The following PEX3 variants were observed in gnomAD, a reference collection of about 807,000 sequenced individuals.
The protein encoded by PEX3 is peroxisomal biogenesis factor 3, also known as peroxin-3.
Under a neutral mutation model 55.8 loss-of-function variants are expected in PEX3, and 30 were observed. The observed-to-expected ratio is 0.54, with a 90% confidence interval of 0.40 to 0.73. PEX3 has a LOEUF of 0.73. PEX3 is among the 30% of genes least tolerant of loss of function. The pLI, the probability that PEX3 is intolerant of heterozygous loss-of-function variation, is 0.00. For synonymous variants in PEX3, 135 were observed against 148.4 expected, an observed-to-expected ratio of 0.91 and a Z score of 0.66; for missense variants, 351 against 432.8, an observed-to-expected ratio of 0.81 and a Z score of 1.68.
In PEX3 at chr6:143,459,105, T is replaced by A; in HGVS notation, c.94T>A (p.Tyr32Asn). Residue 32 changes from tyrosine (Y) to asparagine (N), a missense_variant, in exon 2 of 12, where the codon TAT becomes AAT. Tyr to Asn is a moderately radical substitution (Grantham distance 143, BLOSUM62 -2). Transcript: ENST00000367591. This position sits in a 1 kb window ranked among gnomAD's most constrained non-coding sequence, Gnocchi z 4.2. ...TGTAGGAGTATATATTCTGGGGAAA[T>A]ATGGACAGAAGAAAATCAGAGAAAT... ...VLGGVYILGK[Y>N]GQKKIREIQE... The A allele has an allele frequency of 6.3e-7, 1 of 1,596,406 alleles. No homozygotes were observed. The highest frequency in any genetic ancestry group is 8.6e-7 in the Non-Finnish European group (1 of 1,164,060).
intron 8 of PEX3, among the ~76,000 whole-genome samples, chr6:143,473,109 G>GC (rs1341339155): frequency 6.6e-6 from 1 of 152,094 alleles, no homozygotes; most frequent in Non-Finnish European, 1.5e-5. Flanking sequence ...GAACAGAGAG[G>GC]CCCCCTATGC....
At position 143,488,554 on chromosome 6, in the gene PEX3, A is replaced by G. The variant is rs1780347891; in HGVS notation, c.1039-589A>G. ...CAAAGTCATACAACCTGCTAATATTATCACAGTTTGTTGCCTACATTCATA... is the reference window on the plus strand; with the variant it reads ...CAAAGTCATACAACCTGCTAATATTGTCACAGTTTGTTGCCTACATTCATA... On this transcript the variant is annotated intron_variant, in intron 11 of 11. Transcript: ENST00000367591. The surrounding 1 kb of genome is among the most constrained non-coding windows in gnomAD (Gnocchi z 4.9). 6.6e-6 allele frequency among the ~76,000 whole-genome samples: 1 copy of G among 152,124 alleles called. No homozygotes were observed. The highest frequency in any genetic ancestry group is 1.5e-5 in the Non-Finnish European group (1 of 67,972).
Position 143,471,362 on chromosome 6 carries a change from C to T in PEX3, c.457-21C>T, listed in dbSNP as rs780823197. ...CCAGTTTAAAACTTGGATAATTGAA[C>T]TGTATTTCTGTTTTATACAGACAAT... On this transcript the variant is annotated intron_variant, in intron 5 of 11. Coordinates refer to ENST00000367591, the MANE Select transcript of PEX3 (RefSeq NM_003630.3). The surrounding 1 kb of genome is among the most constrained non-coding windows in gnomAD (Gnocchi z 5.4). The T allele has an allele frequency of 2.6e-6, 4 of 1,543,014 alleles. No individual in the cohort carries two copies. The African/African-American group carries it at 4.1e-5, about 16-fold the overall frequency.
Position 143,485,222 on chromosome 6 carries a change from A to C in PEX3, c.1012A>C (p.Ser338Arg). The C allele has an allele frequency of 3.1e-6, 5 of 1,597,338 alleles. No homozygotes were observed. Among genetic ancestry groups the C allele is most frequent in the Non-Finnish European group, 4.3e-6 (5 of 1,164,942 alleles). ...AAACGGACAGATCCATTCAGTTTGC[A>C]GTGAAACACCTAGTCATTTTGTTCA... ...IVNGQIHSVC[S>R]ETPSHFVQDL... The change falls in exon 11 of 12, where the codon AGT becomes CGT. Residue 338 changes from serine to arginine, a missense_variant. Coordinates refer to ENST00000367591, the MANE Select transcript of PEX3 (RefSeq NM_003630.3). This position sits in a 1 kb window ranked among gnomAD's most constrained non-coding sequence, Gnocchi z 5.6.
intron 2 of PEX3, among the ~76,000 whole-genome samples, chr6:143,460,549 C>T (rs535742685): frequency 6.6e-6 from 1 of 152,198 alleles, no homozygotes; most frequent in African/African-American, 2.4e-5. Flanking sequence ...TCCATTTCTG[C>T]TTATTATTTG....
chr6:143,469,009 CT>C (rs1200241044), intron 4 of PEX3, among the ~76,000 whole-genome samples: 2 of 152,078 alleles, frequency 1.3e-5, no homozygotes, highest in African/African-American at 2.4e-5. Flanking sequence ...TGAACTCGTC[CT>C]TTTTTGGGGC....
chr6:143,450,944 G>T lies in PEX3; in HGVS notation c.-99G>T. 1.1e-6 allele frequency: 1 copy of T among 921,286 alleles called. No individual in the cohort carries two copies. The allele number at this position is 921,286 out of a possible 1,614,324, so 57.1% of individuals were successfully genotyped here. ...TCGGGAGAGCACAGAACGGGACGACGGCGCTCTTGCTGGGTCATCTGGGCC... is the reference window on the plus strand; with the variant it reads ...TCGGGAGAGCACAGAACGGGACGACTGCGCTCTTGCTGGGTCATCTGGGCC... On this transcript the variant is annotated 5_prime_UTR_variant, in exon 1 of 12. Transcript: ENST00000367591.
intron 10 of PEX3, among the ~76,000 whole-genome samples, chr6:143,480,432 G>A (rs2128747589): frequency 6.6e-6 from 1 of 152,214 alleles, no homozygotes; most frequent in Non-Finnish European, 1.5e-5. Context: ...TTTCTTTTCT[G>A]AACTATAGTA....
chr6:143,460,691 C>T (rs769538264), intron 2 of PEX3, among the ~76,000 whole-genome samples: 15 of 151,884 alleles, frequency 9.9e-5, no homozygotes, highest in Middle Eastern at 3.2e-3. Flanking sequence ...GTGGAGAAAC[C>T]CCATCTCCAC....
At chr6:143,480,162 T>C (rs1780215738) in intron 10 of PEX3, among the ~76,000 whole-genome samples, 1 of 152,210 alleles carries the variant, frequency 6.6e-6, no homozygotes, top group African/African-American at 2.4e-5. Flanking sequence ...TTCTCTGAAG[T>C]AATTTAAATA....
In PEX3 at chr6:143,479,510, T is replaced by G. The variant is rs554421581; in HGVS notation, c.941+312T>G. The stretch of plus-strand genomic sequence containing the variant: ...TTAGAATACAAAACTCACAATATGT[T>G]TTAATTTTAATGCATTCTCTAATGT... On this transcript the variant is annotated intron_variant, in intron 10 of 11. Transcript: ENST00000367591. The surrounding 1 kb of genome is among the most constrained non-coding windows in gnomAD (Gnocchi z 4.6). Among the ~76,000 whole-genome samples the G allele has an allele frequency of 2.0e-5, 3 of 152,210 alleles. No homozygotes were observed. The East Asian group carries it at 5.8e-4, about 29-fold the overall frequency.
At chr6:143,456,652 C>T (rs1779849514) in intron 1 of PEX3, among the ~76,000 whole-genome samples, 2 of 152,112 alleles carry the variant, frequency 1.3e-5, no homozygotes, top group Non-Finnish European at 1.5e-5. Context: ...CTGCAATTGT[C>T]GATGTCCAAG....
At chr6:143,474,646 G>C (rs1051939838) in intron 8 of PEX3, 140 bp from the exon 9 acceptor site, 19 of 644,912 alleles carry the variant, frequency 2.9e-5, no homozygotes, top group Admixed American at 2.3e-4. Context: ...TTATTTTGGT[G>C]GGGGAGGGTC....
intron 1 of PEX3, among the ~76,000 whole-genome samples, chr6:143,457,229 T>C (rs1779859089): frequency 6.6e-6 from 1 of 152,216 alleles, no homozygotes; most frequent in Non-Finnish European, 1.5e-5. Context: ...TTGCCTGTCA[T>C]AGAGTAACTT....
At position 143,454,980 on chromosome 6, in the gene PEX3, T is replaced by C. The variant is rs1018700607; in HGVS notation, c.73+3865T>C. Among the ~76,000 whole-genome samples the C allele has an allele frequency of 6.6e-6, 1 of 152,134 alleles. No individual in the cohort carries two copies. Among genetic ancestry groups the C allele is most frequent in the Admixed American group, 6.5e-5 (1 of 15,274 alleles). Reference sequence around the variant, plus strand: ...CCTTTGTATTGGTGCTTGCTAGAGTTTACTATGGATAAAAAAATCACTTAG... The same window carrying C: ...CCTTTGTATTGGTGCTTGCTAGAGTCTACTATGGATAAAAAAATCACTTAG... On this transcript the variant is annotated intron_variant, in intron 1 of 11. Transcript: ENST00000367591. The surrounding 1 kb of genome is among the most constrained non-coding windows in gnomAD (Gnocchi z 4.3).
At position 143,486,443 on chromosome 6, in the gene PEX3, C is replaced by T. The variant is rs1179426448; in HGVS notation, c.1038+1195C>T. On this transcript the variant is annotated intron_variant, in intron 11 of 11. Coordinates refer to ENST00000367591, the MANE Select transcript of PEX3 (RefSeq NM_003630.3). The surrounding 1 kb of genome is among the most constrained non-coding windows in gnomAD (Gnocchi z 5.0). ...TTATGCACTACACTTTAATTAAAAT[C>T]GATATAATTGATAATAAAAACAAAT... 1.3e-5 allele frequency among the ~76,000 whole-genome samples: 2 copies of T among 151,798 alleles called. No individual in the cohort carries two copies. The highest frequency in any genetic ancestry group is 2.9e-5 in the Non-Finnish European group (2 of 67,954).
intron 8 of PEX3, among the ~76,000 whole-genome samples, chr6:143,472,595 T>C (rs765783218): frequency 6.6e-6 from 1 of 152,216 alleles, no homozygotes; most frequent in Non-Finnish European, 1.5e-5. Context: ...AGATGTAAAA[T>C]GTGTAAGACA....
intron 1 of PEX3, among the ~76,000 whole-genome samples, chr6:143,452,925 T>C (rs1016263930): frequency 6.6e-6 from 1 of 152,196 alleles, no homozygotes; most frequent in Admixed American, 6.5e-5. Context: ...ACGCTGGGCA[T>C]TGTGCTAAGC....
In PEX3 at chr6:143,453,006, C is replaced by T. The variant is rs1481390462; in HGVS notation, c.73+1891C>T. Among the ~76,000 whole-genome samples, 1 of 152,100 alleles carries T rather than the reference C, an allele frequency of 6.6e-6. No individual in the cohort carries two copies. The highest frequency in any genetic ancestry group is 1.9e-4 in the East Asian group (1 of 5,202). On this transcript the variant is annotated intron_variant, in intron 1 of 11. Transcript: ENST00000367591. This position sits in a 1 kb window ranked among gnomAD's most constrained non-coding sequence, Gnocchi z 4.6. ...CCATTCAAAAATGTGGCAGCAAGAA[C>T]CCTAAGAATTTAAGAAACTTGCCTC...
Sources: allele counts gnomAD v4.1 joint callset (sites outside exome capture counted in the v4.1 genomes callset), GRCh38; gene constraint gnomAD v4.1.1; non-coding constraint Gnocchi (gnomAD v3.1); transcripts MANE v1.5; gene names NCBI Gene and HGNC (gene_info 2026-07-23, HGNC 2026-07-21).